Variants in DCTN4 observed in about 807,000 individuals in gnomAD.
DCTN4 encodes the protein dynactin subunit 4.
Under a neutral mutation model 62.7 loss-of-function variants are expected in DCTN4, and 23 were observed. That is an observed-to-expected ratio of 0.37 (90% CI 0.26 to 0.52). The LOEUF (loss-of-function observed/expected upper bound fraction) is 0.52. Ranked by LOEUF, DCTN4 falls within the 20% of genes least tolerant of loss-of-function variation. The pLI is 0.92. For synonymous variants in DCTN4, 199 were observed against 202.1 expected, an observed-to-expected ratio of 0.98 and a Z score of 0.13; for missense variants, 514 against 580.4, an observed-to-expected ratio of 0.89 and a Z score of 1.18.
chr5:150,731,331 G>A lies in DCTN4; in HGVS notation c.611+85C>T, dbSNP rs551318949. The A allele has an allele frequency of 7.7e-6, 9 of 1,172,228 alleles. No individual in the cohort carries two copies. The African/African-American group carries it at 9.1e-5, about 12-fold the overall frequency. 72.6% of individuals were successfully genotyped at this position (1,172,228 alleles called of 1,614,324 possible). On this transcript the variant is annotated intron_variant, in intron 6 of 12. Coordinates refer to ENST00000447998, the MANE Select transcript of DCTN4 (RefSeq NM_016221.4). ...TCTTCTTTTCCATTGACAACTGTGT[G>A]TGTGTGTGTGTTTTAATCTCATTTA...
rs3839276 is a variant in DCTN4, at chr5:150,710,683, TG to T, written c.*465del. 546 of 165,470 alleles carry T rather than the reference TG, an allele frequency of 3.3e-3. 18 individuals carry two copies. In the East Asian group the frequency reaches 0.076, roughly 23 times the overall value. 10.3% of individuals were successfully genotyped at this position (165,470 alleles called of 1,614,324 possible). A position where few individuals can be genotyped will look rare whatever the true frequency, so the allele number is the denominator to read the frequency against. On this transcript the variant is annotated 3_prime_UTR_variant, in exon 13 of 13. Coordinates refer to ENST00000447998, the MANE Select transcript of DCTN4 (RefSeq NM_016221.4). ...AAGGGATATGTTTTAGACTGTTAGA[TG>T]ATATTTAACGGAATGCAGAAAGCAG... is the stretch of plus-strand genomic sequence containing the variant.
At chr5:150,731,641 G>T in intron 5 of DCTN4, 152 bp from the exon 6 acceptor site, 2 of 654,718 alleles carry the variant, frequency 3.1e-6, no homozygotes, top group Non-Finnish European at 5.2e-6. Context: ...AAAGCAATTT[G>T]TAGCCCCACA....
intron 8 of DCTN4, among the ~76,000 whole-genome samples, chr5:150,730,378 T>C (rs945076230): frequency 6.6e-6 from 1 of 152,244 alleles, no homozygotes; most frequent in Admixed American, 6.5e-5. Context: ...GGGTTAACCC[T>C]ATGTACTTAA....
chr5:150,733,117 C>T (rs1317761351), intron 5 of DCTN4, among the ~76,000 whole-genome samples: 2 of 152,180 alleles, frequency 1.3e-5, no homozygotes, highest in African/African-American at 4.8e-5. Flanking sequence ...AACAGCCTTT[C>T]TGGGGAAATA....
chr5:150,731,401 C>A lies in DCTN4; in HGVS notation c.611+15G>T. 1 of 1,609,774 alleles carries A rather than the reference C, an allele frequency of 6.2e-7. No homozygotes were observed. Among genetic ancestry groups the A allele is most frequent in the Non-Finnish European group, 8.5e-7 (1 of 1,176,942 alleles). Reference sequence around the variant, plus strand: ...CCTGCTGTTCTCCTCAAAGTCATTTCATGTCTAAACTTACGAAAGTCCGGC... The same window carrying A: ...CCTGCTGTTCTCCTCAAAGTCATTTAATGTCTAAACTTACGAAAGTCCGGC... On this transcript the variant is annotated intron_variant, in intron 6 of 12. Transcript: ENST00000447998.
rs370313465 is a variant in DCTN4 at position 150,718,392 on chromosome 5, T to A, written c.964-9A>T. ...AGGAGGACCTGGCTCTCCTGGTGAA[T>A]AGGAAACACATCTCTCAGACATTCG... On this transcript the variant is annotated splice_polypyrimidine_tract_variant and intron_variant, in intron 10 of 12. Transcript: ENST00000447998. The A allele has an allele frequency of 6.3e-7, 1 of 1,593,846 alleles. No homozygotes were observed. Among genetic ancestry groups the A allele is most frequent in the Non-Finnish European group, 8.6e-7 (1 of 1,162,702 alleles).
chr5:150,735,791 G>A (rs1760557341), intron 4 of DCTN4, among the ~76,000 whole-genome samples: 1 of 151,782 alleles, frequency 6.6e-6, no homozygotes, highest in Admixed American at 6.6e-5. Flanking sequence ...CACCAGCAAT[G>A]GATCCAAACC....
Position 150,756,501 on chromosome 5 carries a change from A to G in DCTN4, c.136-14T>C. ...ATGGGAGTCCACCTAGGAGGAAACA[A>G]GAAAGAAAAAAAAAACCAGAGGAGA... On this transcript the variant is annotated splice_polypyrimidine_tract_variant and intron_variant, in intron 1 of 12. Transcript: ENST00000447998. The G allele has an allele frequency of 6.4e-7, 1 of 1,557,008 alleles. No individual in the cohort carries two copies. Among genetic ancestry groups the G allele is most frequent in the Non-Finnish European group, 8.7e-7 (1 of 1,149,388 alleles).
At chr5:150,735,216 C>A (rs1760532138) in intron 4 of DCTN4, among the ~76,000 whole-genome samples, 1 of 132,452 alleles carries the variant, frequency 7.5e-6, no homozygotes, top group African/African-American at 4.3e-5. Flanking sequence ...GGAGGCCAAC[C>A]AACTCATTAT....
At chr5:150,742,299 A>C in intron 3 of DCTN4, 142 bp from the exon 4 acceptor site, 1 of 787,722 alleles carries the variant, frequency 1.3e-6, no homozygotes, top group Non-Finnish European at 2.1e-6. Flanking sequence ...ATAGACTATA[A>C]TGTTCAGAAC....
chr5:150,720,664 G>C (rs1759925648), intron 9 of DCTN4, among the ~76,000 whole-genome samples: 1 of 152,046 alleles, frequency 6.6e-6, no homozygotes, highest in African/African-American at 2.4e-5. Flanking sequence ...TTTTTGTACA[G>C]ATGAGGACTC....
At chr5:150,736,384 A>G (rs1760583324) in intron 4 of DCTN4, 1 of 152,258 alleles carries the variant, frequency 6.6e-6, no homozygotes, top group Non-Finnish European at 1.5e-5. Flanking sequence ...CCTATAAAGG[A>G]AAACCTATCA....
chr5:150,744,199 G>A (rs540376185), intron 3 of DCTN4, among the ~76,000 whole-genome samples: 1 of 152,224 alleles, frequency 6.6e-6, no homozygotes, highest in Non-Finnish European at 1.5e-5. Context: ...AGTGACGGAA[G>A]ATGAAATGAA....
At chr5:150,711,708 T>A (rs943239105) in intron 12 of DCTN4, among the ~76,000 whole-genome samples, 4 of 152,032 alleles carry the variant, frequency 2.6e-5, no homozygotes, top group African/African-American at 9.7e-5. Context: ...TTGGTGGAGA[T>A]GGGGTTTCGC....
chr5:150,749,988 T>A (rs1016564092), intron 3 of DCTN4, among the ~76,000 whole-genome samples: 11 of 152,286 alleles, frequency 7.2e-5, no homozygotes, highest in South Asian at 4.1e-4. Flanking sequence ...AAGACTGTAA[T>A]GTAAGACTCC....
chr5:150,733,657 G>C (rs904825845), intron 4 of DCTN4, 182 bp from the exon 5 acceptor site: 5 of 466,168 alleles, frequency 1.1e-5, no homozygotes, highest in Non-Finnish European at 1.9e-5. Flanking sequence ...AAGTGAAATG[G>C]AAAACTGAAG....
intron 5 of DCTN4, chr5:150,731,873 A>G: frequency 1.9e-6 from 3 of 1,551,574 alleles, no homozygotes; most frequent in Non-Finnish European, 2.6e-6. Flanking sequence ...AAGAATCATA[A>G]AGGAGAACTT....
chr5:150,748,493 T>C (rs1338836363), intron 3 of DCTN4, among the ~76,000 whole-genome samples: 1 of 151,404 alleles, frequency 6.6e-6, no homozygotes, highest in East Asian at 1.9e-4. Flanking sequence ...CACACATATG[T>C]TTATTGCGGC....
Position 150,753,476 on chromosome 5 carries a change from C to T in DCTN4, c.385+3G>A. On this transcript the variant is annotated splice_donor_region_variant and intron_variant, in intron 3 of 12. Transcript: ENST00000447998. ...ATTTCATATTGAAGTCCATCTCACT[C>T]ACCTACAGATTTGTCTGCCATGCCC... 1 of 1,612,654 alleles carries T rather than the reference C, an allele frequency of 6.2e-7. No individual in the cohort carries two copies. Among genetic ancestry groups the T allele is most frequent in the Non-Finnish European group, 8.5e-7 (1 of 1,178,886 alleles).
Sources: gnomAD v4.1 joint callset for allele counts (sites outside exome capture counted in the v4.1 genomes callset) on GRCh38, gnomAD v4.1.1 for gene constraint, MANE v1.5 for transcripts, NCBI Gene and HGNC (gene_info 2026-07-23, HGNC 2026-07-21) for gene names.